PARD3: variants seen among roughly 807,000 people sequenced by gnomAD.
PARD3 encodes par-3 family cell polarity regulator.
PARD3 carries 75 observed loss-of-function variants against 155.4 expected under a neutral mutation model. The observed-to-expected ratio is 0.48, with a 90% CI of 0.40 to 0.58. PARD3 has a LOEUF of 0.58. Among genes scored for constraint, PARD3 ranks in the 20% least tolerant of loss-of-function variants. PARD3 has a pLI of 0.00. For synonymous variants in PARD3, 576 were observed against 610.5 expected (o/e 0.94, Z 0.83); for missense variants, 1,642 against 1,721.7 (o/e 0.95, Z 0.82).
intron 3 of PARD3, among the ~76,000 whole-genome samples, chr10:34,489,721 G>A (rs571012904): frequency 9.9e-5 from 15 of 152,248 alleles, no homozygotes; most frequent in Non-Finnish European, 2.1e-4. Context: ...AAGTAAACAT[G>A]CCTTGATCAT....
chr10:34,739,474 T>C (rs190109255), intron 1 of PARD3, among the ~76,000 whole-genome samples: 1 of 152,320 alleles, frequency 6.6e-6, no homozygotes, highest in Non-Finnish European at 1.5e-5. Flanking sequence ...CTGACTTATA[T>C]TAATTAAAAT....
At chr10:34,788,032 C>T (rs1841195858) in intron 1 of PARD3, among the ~76,000 whole-genome samples, 1 of 151,300 alleles carries the variant, frequency 6.6e-6, no homozygotes, top group African/African-American at 2.4e-5. Context: ...AATCCTCCTG[C>T]TTTGGCCTCC....
chr10:34,650,930 G>A (rs1428954401), intron 2 of PARD3, among the ~76,000 whole-genome samples: 1 of 140,650 alleles, frequency 7.1e-6, no homozygotes, highest in Non-Finnish European at 1.5e-5. Flanking sequence ...AAAATCGCTT[G>A]AACCCAGGAG....
intron 14 of PARD3, among the ~76,000 whole-genome samples, chr10:34,355,586 C>T (rs1838708643): frequency 6.6e-6 from 1 of 152,056 alleles, no homozygotes; most frequent in Non-Finnish European, 1.5e-5. Context: ...CAAGTGGTTT[C>T]AGGCAGCAAG....
At chr10:34,135,882 G>A (rs1947868527) in intron 22 of PARD3, among the ~76,000 whole-genome samples, 2 of 152,198 alleles carry the variant, frequency 1.3e-5, no homozygotes, top group Admixed American at 6.5e-5. Flanking sequence ...AGAACATACT[G>A]CAGGTATATG....
intron 2 of PARD3, 61 bp from the exon 3 acceptor site, chr10:34,517,220 T>G (rs1413285089): frequency 1.4e-6 from 2 of 1,474,382 alleles, no homozygotes; most frequent in East Asian, 4.6e-5. Flanking sequence ...TACCAAAATT[T>G]TGTACTATTT....
intron 1 of PARD3, among the ~76,000 whole-genome samples, chr10:34,719,302 T>G (rs2094568104): frequency 6.6e-6 from 1 of 152,194 alleles, no homozygotes; most frequent in African/African-American, 2.4e-5. Context: ...AATTTGAGGT[T>G]TCAAGGGAAA....
rs142545363 is a variant in PARD3, at chr10:34,670,756, G to A, written c.222+25562C>T. On this transcript the variant is annotated intron_variant, in intron 2 of 24. Coordinates refer to ENST00000374788, the MANE Select transcript of PARD3 (RefSeq NM_001184785.2). ...TTCAGGGTCCAATCCAATTCCATCC[G>A]TGAACAGTTGCAATCCCTTCCCTTG... Among the ~76,000 whole-genome samples the A allele has an allele frequency of 1.4e-4, 21 of 152,296 alleles. No individual in the cohort carries two copies. The East Asian group carries it at 2.1e-3, about 15-fold the overall frequency.
At chr10:34,403,414 G>A (rs1330866346) in intron 5 of PARD3, among the ~76,000 whole-genome samples, 1 of 152,120 alleles carries the variant, frequency 6.6e-6, no homozygotes, top group Non-Finnish European at 1.5e-5. Flanking sequence ...AAACGTGTAT[G>A]CCATCAATAG....
chr10:34,387,380 T>C (rs1157365765), intron 7 of PARD3, among the ~76,000 whole-genome samples: 3 of 152,218 alleles, frequency 2.0e-5, no homozygotes, highest in Non-Finnish European at 4.4e-5. Flanking sequence ...TCAGTATTTA[T>C]GACAACTTAA....
At chr10:34,625,614 T>C in intron 2 of PARD3, among the ~76,000 whole-genome samples, 1 of 152,180 alleles carries the variant, frequency 6.6e-6, no homozygotes, top group Non-Finnish European at 1.5e-5. Context: ...CAAAGTAAGA[T>C]GAAAAGTCAA....
intron 22 of PARD3, among the ~76,000 whole-genome samples, chr10:34,164,018 A>C (rs1055006530): frequency 5.9e-5 from 9 of 152,340 alleles, no homozygotes; most frequent in Admixed American, 1.3e-4. Context: ...TAATGTCAAG[A>C]GTAAACATGC....
intron 22 of PARD3, among the ~76,000 whole-genome samples, chr10:34,183,849 G>A (rs535301053): frequency 3.9e-5 from 6 of 152,210 alleles, no homozygotes; most frequent in Non-Finnish European, 7.4e-5. Context: ...ACCACTCCAC[G>A]TATGTACGTG....
intron 23 of PARD3, among the ~76,000 whole-genome samples, chr10:34,130,788 C>T (rs1246319979): frequency 1.3e-5 from 2 of 152,202 alleles, no homozygotes; most frequent in African/African-American, 4.8e-5. Flanking sequence ...AGACCTGGCA[C>T]AGTGGTTCAC....
chr10:34,799,254 C>A (rs896639324), intron 1 of PARD3, among the ~76,000 whole-genome samples: 3 of 152,132 alleles, frequency 2.0e-5, no homozygotes, highest in Non-Finnish European at 4.4e-5. Context: ...GTTGGCCAGG[C>A]TGGTCTCGAA....
intron 22 of PARD3, among the ~76,000 whole-genome samples, chr10:34,256,837 C>T (rs937943856): frequency 2.0e-5 from 3 of 152,036 alleles, no homozygotes; most frequent in Non-Finnish European, 4.4e-5. Context: ...ATGTGAAATG[C>T]ATATTCAAAA....
At chr10:34,594,672 T>C (rs533539345) in intron 2 of PARD3, among the ~76,000 whole-genome samples, 1 of 152,014 alleles carries the variant, frequency 6.6e-6, no homozygotes, top group Non-Finnish European at 1.5e-5. Flanking sequence ...CTCTACAAAA[T>C]ATACAAAAAT....
chr10:34,655,429 T>C (rs1204739269), intron 2 of PARD3, among the ~76,000 whole-genome samples: 1 of 152,150 alleles, frequency 6.6e-6, no homozygotes, highest in African/African-American at 2.4e-5. Context: ...TACATGACTG[T>C]GGGTGTGTGT....
chr10:34,494,681 T>C (rs751131596), intron 3 of PARD3, among the ~76,000 whole-genome samples: 1 of 152,168 alleles, frequency 6.6e-6, no homozygotes, highest in South Asian at 2.1e-4. Flanking sequence ...AATACAAACA[T>C]TATTAAACAT....
Sources: gnomAD v4.1 joint callset for allele counts (sites outside exome capture counted in the v4.1 genomes callset) on GRCh38, gnomAD v4.1.1 for gene constraint, MANE v1.5 for transcripts, NCBI Gene and HGNC (gene_info 2026-07-23, HGNC 2026-07-21) for gene names.